The following TDRD3 variants were observed in gnomAD, a reference collection of about 807,000 sequenced individuals.
TDRD3 encodes the protein tudor domain containing 3.
Under a neutral mutation model 86.7 loss-of-function variants are expected in TDRD3, and 45 were observed. The observed-to-expected ratio is 0.52, with a 90% CI of 0.41 to 0.67. TDRD3 has a LOEUF of 0.67. Among genes scored for constraint, TDRD3 ranks in the 30% least tolerant of loss-of-function variants. The probability of loss-of-function intolerance (pLI) is 0.00; values close to 1 mark genes in which losing one functional copy is unlikely to be tolerated. For synonymous variants in TDRD3, 298 were observed against 301.7 expected, an observed-to-expected ratio of 0.99 and a Z score of 0.13; for missense variants, 814 against 889.0, an observed-to-expected ratio of 0.92 and a Z score of 1.07.
chr13:60,407,678 G>T (rs1423104061), intron 1 of TDRD3, among the ~76,000 whole-genome samples: 1 of 152,162 alleles, frequency 6.6e-6, no homozygotes, highest in Non-Finnish European at 1.5e-5. Context: ...TAGGGTCTTT[G>T]AAATGTTCTG....
At position 60,535,116 on chromosome 13, in the gene TDRD3, G is replaced by T; in HGVS notation, c.2001G>T (p.Arg667=). 2 of 1,613,532 alleles carry T rather than the reference G, an allele frequency of 1.2e-6. No homozygotes were observed. Among genetic ancestry groups the T allele is most frequent in the South Asian group, 1.1e-5 (1 of 91,050 alleles). Residue 667 remains arginine (R), a synonymous_variant, in exon 12 of 14, where the codon CGG becomes CGT. Coordinates refer to ENST00000377881, the MANE Select transcript of TDRD3 (RefSeq NM_001146070.2). ...TCCTTTTGCCTCCTCAGTTTTACCG[G>T]GCAGAAGTTGAAGCCCTCCATTCTT... ...ALYWEDNKFY[R]AEVEALHSSG...
intron 11 of TDRD3, among the ~76,000 whole-genome samples, chr13:60,530,355 CAAGGT>C (rs1957552129): frequency 6.6e-6 from 1 of 151,978 alleles, no homozygotes; most frequent in Non-Finnish European, 1.5e-5. Context: ...GAGACAATAG[CAAGGT>C]AGTAAAAACG....
chr13:60,467,349 A>G lies in TDRD3; in HGVS notation c.465A>G (p.Glu155=), dbSNP rs757258094. Residue 155 remains glutamate, a synonymous_variant, in exon 5 of 14, where the codon GAA becomes GAG. Transcript: ENST00000377881. ...CCACAGTTCTTGGTGGTGAAGTGGAACACCTTATTGAGAAATGGGAGTTAC... is the reference window on the plus strand; with the variant it reads ...CCACAGTTCTTGGTGGTGAAGTGGAGCACCTTATTGAGAAATGGGAGTTAC... ...SNTTVLGGEV[E]HLIEKWELQR... is the part of the protein sequence containing the mutation. The G allele has an allele frequency of 6.2e-7, 1 of 1,613,842 alleles. No homozygotes were observed. The highest frequency in any genetic ancestry group is 2.2e-5 in the East Asian group (1 of 44,868).
At chr13:60,471,799 G>C (rs1194893329) in intron 5 of TDRD3, among the ~76,000 whole-genome samples, 1 of 151,960 alleles carries the variant, frequency 6.6e-6, no homozygotes, top group Admixed American at 6.6e-5. Flanking sequence ...CTACATATAA[G>C]ATCACGTTAT....
chr13:60,455,694 T>G (rs1955652394), intron 3 of TDRD3, among the ~76,000 whole-genome samples: 1 of 152,130 alleles, frequency 6.6e-6, no homozygotes, highest in Non-Finnish European at 1.5e-5. Context: ...ATGGTTTGTT[T>G]CTAGGGTTGA....
At chr13:60,500,926 T>C (rs140560686) in intron 8 of TDRD3, among the ~76,000 whole-genome samples, 146 of 152,308 alleles carry the variant, frequency 9.6e-4, no homozygotes, top group African/African-American at 3.2e-3. Context: ...ACACCTATTA[T>C]ATTCCAATGT....
intron 3 of TDRD3, among the ~76,000 whole-genome samples, chr13:60,451,423 G>T (rs547622949): frequency 6.6e-6 from 1 of 152,170 alleles, no homozygotes; most frequent in Non-Finnish European, 1.5e-5. Flanking sequence ...CCGTGTGCTG[G>T]ATCCAGCTTG....
At chr13:60,440,666 G>A (rs1453185710) in intron 2 of TDRD3, among the ~76,000 whole-genome samples, 1 of 151,990 alleles carries the variant, frequency 6.6e-6, no homozygotes, top group Non-Finnish European at 1.5e-5. Flanking sequence ...GGGCAACAGA[G>A]TGAGACTCTG....
intron 12 of TDRD3, among the ~76,000 whole-genome samples, chr13:60,563,366 A>G (rs1958382023): frequency 6.6e-6 from 1 of 152,184 alleles, no homozygotes; most frequent in African/African-American, 2.4e-5. Flanking sequence ...CAGCATTTAC[A>G]TCTTAGGGGT....
At chr13:60,519,608 A>T (rs1419269773) in intron 10 of TDRD3, among the ~76,000 whole-genome samples, 1 of 152,188 alleles carries the variant, frequency 6.6e-6, no homozygotes. Flanking sequence ...TGAAATACTG[A>T]AAATAACTCA....
At chr13:60,437,121 C>CT (rs528500199) in intron 1 of TDRD3, among the ~76,000 whole-genome samples, 6,729 of 73,762 alleles carry the variant, frequency 0.091, 838 homozygotes, top group African/African-American at 0.21. Context: ...ATAAATTAAA[C>CT]TTTTTTTTTT....
At chr13:60,475,219 C>A (rs1054613705) in intron 5 of TDRD3, among the ~76,000 whole-genome samples, 5 of 152,058 alleles carry the variant, frequency 3.3e-5, no homozygotes, top group African/African-American at 1.2e-4. Flanking sequence ...TATAGGTAGC[C>A]TTCCAACTTA....
chr13:60,506,576 G>A (rs918015991), intron 8 of TDRD3, among the ~76,000 whole-genome samples: 5 of 152,134 alleles, frequency 3.3e-5, no homozygotes, highest in Non-Finnish European at 5.9e-5. Context: ...GGCTAACATG[G>A]TGAAAGCCCA....
chr13:60,442,427 G>A (rs1490326664), intron 2 of TDRD3, among the ~76,000 whole-genome samples: 1 of 151,802 alleles, frequency 6.6e-6, no homozygotes, highest in African/African-American at 2.4e-5. Flanking sequence ...GCGTGGGTAG[G>A]TAGATGCTTT....
chr13:60,451,092 A>G (rs1340047324), intron 3 of TDRD3, among the ~76,000 whole-genome samples: 1 of 152,230 alleles, frequency 6.6e-6, no homozygotes, highest in East Asian at 1.9e-4. Flanking sequence ...TACATGGAAG[A>G]TAAGTATAGT....
At chr13:60,512,643 G>T (rs1262481255) in intron 10 of TDRD3, among the ~76,000 whole-genome samples, 2 of 152,112 alleles carry the variant, frequency 1.3e-5, no homozygotes. Context: ...GGGGCTACAG[G>T]CCCCATGCAA....
intron 10 of TDRD3, among the ~76,000 whole-genome samples, chr13:60,522,710 A>C (rs529913694): frequency 6.6e-6 from 1 of 152,294 alleles, no homozygotes; most frequent in South Asian, 2.1e-4. Flanking sequence ...TTTCTGCGTT[A>C]ATAGAAAGAG....
intron 1 of TDRD3, among the ~76,000 whole-genome samples, chr13:60,417,307 T>C (rs1954547118): frequency 6.6e-6 from 1 of 151,690 alleles, no homozygotes; most frequent in South Asian, 2.1e-4. Context: ...TGAGCCATTG[T>C]ACTTGACCCA....
rs911521364 is a variant in TDRD3 at position 60,480,587 on chromosome 13, A to G, written c.496-3188A>G. Among the ~76,000 whole-genome samples, 63 of 152,196 alleles carry G rather than the reference A, an allele frequency of 4.1e-4. 1 individual carries two copies. Among genetic ancestry groups the G allele is most frequent in the Middle Eastern group, 6.8e-3 (2 of 292 alleles). The stretch of plus-strand genomic sequence containing the variant: ...GATTCTGTCTTCAAATATGTTTTCC[A>G]AGTTGCTTGTTCTCTCTTCTTCTCT... On this transcript the variant is annotated intron_variant, in intron 5 of 13. Coordinates refer to ENST00000377881, the MANE Select transcript of TDRD3 (RefSeq NM_001146070.2).
Sources: allele counts gnomAD v4.1 joint callset (sites outside exome capture counted in the v4.1 genomes callset), GRCh38; gene constraint gnomAD v4.1.1; transcripts MANE v1.5; gene names NCBI Gene and HGNC (gene_info 2026-07-23, HGNC 2026-07-21).